Variants in KCNQ1 observed in about 807,000 individuals in gnomAD.
The protein encoded by KCNQ1 is potassium voltage-gated channel subfamily KQT member 1.
KCNQ1 carries 49 observed loss-of-function variants against 72.4 expected under a neutral mutation model. The ratio of observed to expected loss-of-function variants is 0.68; its 90% confidence interval spans 0.54 to 0.86. The LOEUF (loss-of-function observed/expected upper bound fraction) is 0.86, where lower values mean the gene tolerates loss of function less well. Ranked by LOEUF, KCNQ1 falls within the 40% of genes least tolerant of loss-of-function variation. The pLI is 0.00. For synonymous variants in KCNQ1, 450 were observed against 412.6 expected (o/e 1.09, Z -1.10); for missense variants, 790 against 945.1 (o/e 0.84, Z 2.15).
rs931763942 is a variant in KCNQ1 at position 2,611,529 on chromosome 11, G to A, written c.1393+22675G>A. ...ACCCAGCCAATTTTGTCTGATTTTA[G>A]TACAGTCACTCTAGCTTTCTTATTA... is the stretch of plus-strand genomic sequence containing the variant. On this transcript the variant is annotated intron_variant, in intron 10 of 15. Coordinates refer to ENST00000155840, the MANE Select transcript of KCNQ1 (RefSeq NM_000218.3). The surrounding 1 kb of genome is among the most constrained non-coding windows in gnomAD (Gnocchi z 5.3). 1.3e-5 allele frequency: 5 copies of A among 398,312 alleles called. No individual in the cohort carries two copies. The highest frequency in any genetic ancestry group is 2.2e-5 in the Non-Finnish European group (5 of 226,062). 24.7% of individuals were successfully genotyped at this position (398,312 alleles called of 1,614,324 possible).
rs1461173329 is a variant in KCNQ1 at position 2,526,950 on chromosome 11, G to T, written c.387-978G>T. 1.3e-5 allele frequency among the ~76,000 whole-genome samples: 2 copies of T among 152,156 alleles called. No individual in the cohort carries two copies. The highest frequency in any genetic ancestry group is 4.8e-5 in the African/African-American group (2 of 41,434). On this transcript the variant is annotated intron_variant, in intron 1 of 15. Transcript: ENST00000155840. The surrounding 1 kb of genome is among the most constrained non-coding windows in gnomAD (Gnocchi z 6.1). ...CCTGGGGGCCATGTGGCCATCTCCT[G>T]GCTCTCCGGTCGCTGAGGATCCACG...
intron 11 of KCNQ1, among the ~76,000 whole-genome samples, chr11:2,700,935 C>A (rs906173700): frequency 6.6e-6 from 1 of 152,274 alleles, no homozygotes; most frequent in African/African-American, 2.4e-5. Flanking sequence ...GAAGTTCACA[C>A]CCTGAGGCTT....
rs1217623182 is a variant in KCNQ1, at chr11:2,690,363, A to T, written c.1514+28282A>T. On this transcript the variant is annotated intron_variant, in intron 11 of 15. Transcript: ENST00000155840. The surrounding 1 kb of genome is among the most constrained non-coding windows in gnomAD (Gnocchi z 5.1). ...CTGCCCTGCAGCTGCTGTTTCCACT[A>T]CTTGGCATGGAACATGTGCCAGACC... 5.0e-6 allele frequency: 2 copies of T among 398,514 alleles called. No individual in the cohort carries two copies. Among genetic ancestry groups the T allele is most frequent in the Non-Finnish European group, 8.8e-6 (2 of 226,098 alleles). 24.7% of individuals were successfully genotyped at this position (398,514 alleles called of 1,614,324 possible).
chr11:2,723,897 C>T lies in KCNQ1; in HGVS notation c.1515-44947C>T, dbSNP rs1047069223. On this transcript the variant is annotated intron_variant, in intron 11 of 15. Coordinates refer to ENST00000155840, the MANE Select transcript of KCNQ1 (RefSeq NM_000218.3). This position sits in a 1 kb window ranked among gnomAD's most constrained non-coding sequence, Gnocchi z 4.2. ...GGGACCTCGGGACGAGGAAGTCACA[C>T]GTTGGGGGATGTGCCGCAGGGATGG... Among the ~76,000 whole-genome samples, 10 of 152,186 alleles carry T rather than the reference C, an allele frequency of 6.6e-5. No individual in the cohort carries two copies. The highest frequency in any genetic ancestry group is 4.1e-4 in the South Asian group (2 of 4,832).
At chr11:2,521,864 G>C (rs112529) in intron 1 of KCNQ1, among the ~76,000 whole-genome samples, 2 of 152,326 alleles carry the variant, frequency 1.3e-5, no homozygotes, top group Non-Finnish European at 2.9e-5. Context: ...GCACCACTCA[G>C]GGGCCCTAGT....
chr11:2,739,417 C>T (rs1157652746), intron 11 of KCNQ1, among the ~76,000 whole-genome samples: 1 of 152,264 alleles, frequency 6.6e-6, no homozygotes, highest in African/African-American at 2.4e-5. Flanking sequence ...TTGGATGTCA[C>T]AGCCCCATCA....
Position 2,563,154 on chromosome 11 carries a change from A to G in KCNQ1, c.478-7474A>G, listed in dbSNP as rs912136033. On this transcript the variant is annotated intron_variant, in intron 2 of 15. Coordinates refer to ENST00000155840, the MANE Select transcript of KCNQ1 (RefSeq NM_000218.3). This position sits in a 1 kb window ranked among gnomAD's most constrained non-coding sequence, Gnocchi z 7.4. ...CTAGGGTCCTAAATTATGTGGTTCC[A>G]GCAGCATGGAACTTCAAAACACATT... 6.6e-6 allele frequency among the ~76,000 whole-genome samples: 1 copy of G among 152,214 alleles called. No individual in the cohort carries two copies. The highest frequency in any genetic ancestry group is 1.5e-5 in the Non-Finnish European group (1 of 68,038).
rs948286563 is a variant in KCNQ1 at position 2,711,705 on chromosome 11, G to T, written c.1514+49624G>T. Among the ~76,000 whole-genome samples, 4 of 152,198 alleles carry T rather than the reference G, an allele frequency of 2.6e-5. No homozygotes were observed. The highest frequency in any genetic ancestry group is 4.4e-5 in the Non-Finnish European group (3 of 68,034). On this transcript the variant is annotated intron_variant, in intron 11 of 15. Coordinates refer to ENST00000155840, the MANE Select transcript of KCNQ1 (RefSeq NM_000218.3). The surrounding 1 kb of genome is among the most constrained non-coding windows in gnomAD (Gnocchi z 5.4). ...GTAAACTGTGCTTAAACTAAGTGAG[G>T]TATCTTAAGGCTTTACCACCAGGGA...
At chr11:2,528,803 G>T (rs1244934044) in intron 2 of KCNQ1, among the ~76,000 whole-genome samples, 1 of 152,262 alleles carries the variant, frequency 6.6e-6, no homozygotes, top group East Asian at 1.9e-4. Context: ...GATCTGGGCT[G>T]GTTTCATGCT....
At chr11:2,792,889 C>G (rs1847057158) in intron 15 of KCNQ1, among the ~76,000 whole-genome samples, 1 of 151,064 alleles carries the variant, frequency 6.6e-6, no homozygotes, top group Non-Finnish European at 1.5e-5. Flanking sequence ...CTGCCCCTCG[C>G]CCCCTCCCTG....
At chr11:2,540,982 C>T (rs373049625) in intron 2 of KCNQ1, among the ~76,000 whole-genome samples, 18 of 152,354 alleles carry the variant, frequency 1.2e-4, no homozygotes, top group East Asian at 5.8e-4. Flanking sequence ...CAGGCACACA[C>T]GCACAGACAT....
intron 15 of KCNQ1, among the ~76,000 whole-genome samples, chr11:2,833,427 T>C (rs1847994465): frequency 1.3e-5 from 2 of 152,034 alleles, no homozygotes; most frequent in South Asian, 2.1e-4. Flanking sequence ...GAAGACTGCA[T>C]AGATGTGAGG....
chr11:2,453,440 C>T lies in KCNQ1; in HGVS notation c.386+7956C>T, dbSNP rs1329346996. On this transcript the variant is annotated intron_variant, in intron 1 of 15. Coordinates refer to ENST00000155840, the MANE Select transcript of KCNQ1 (RefSeq NM_000218.3). ...GGCTGGGGGAAGATGTGATGTTTCA[C>T]GAAGGGTTAATCTGTTTACTACAGA... 3.3e-5 allele frequency among the ~76,000 whole-genome samples: 5 copies of T among 152,106 alleles called. No homozygotes were observed. In the South Asian group the frequency reaches 8.3e-4, roughly 25 times the overall value.
rs1439948002 is a variant in KCNQ1, at chr11:2,664,497, A to G, written c.1514+2416A>G. 2.5e-6 allele frequency: 1 copy of G among 398,622 alleles called. No homozygotes were observed. The allele number at this position is 398,622 out of a possible 1,614,324, so 24.7% of individuals were successfully genotyped here. A position where few individuals can be genotyped will look rare whatever the true frequency, so the allele number is the denominator to read the frequency against. On this transcript the variant is annotated intron_variant, in intron 11 of 15. Coordinates refer to ENST00000155840, the MANE Select transcript of KCNQ1 (RefSeq NM_000218.3). This position sits in a 1 kb window ranked among gnomAD's most constrained non-coding sequence, Gnocchi z 5.1. ...ACTCCATCTGGGGGAGAAGGCTGGC[A>G]GCAGTGGGCACCCTGTTTCCTCAGG...
At chr11:2,749,686 G>A (rs535579030) in intron 11 of KCNQ1, among the ~76,000 whole-genome samples, 230 of 146,084 alleles carry the variant, frequency 1.6e-3, no homozygotes, top group Non-Finnish European at 2.7e-3. Context: ...GGTGGCGGGC[G>A]CCTGTGGTCC....
At chr11:2,660,088 T>C (rs1272795211) in intron 10 of KCNQ1, 4 of 398,306 alleles carry the variant, frequency 1.0e-5, no homozygotes, top group African/African-American at 2.1e-5. Context: ...GAGTTAAACT[T>C]TTGGTTTCGT....
At chr11:2,706,615 C>A (rs1457504519) in intron 11 of KCNQ1, among the ~76,000 whole-genome samples, 1 of 152,266 alleles carries the variant, frequency 6.6e-6, no homozygotes, top group African/African-American at 2.4e-5. Flanking sequence ...CCCACTCTCA[C>A]CAGGCTTAGT....
intron 6 of KCNQ1, among the ~76,000 whole-genome samples, chr11:2,576,851 A>T (rs1400412412): frequency 6.6e-6 from 1 of 152,114 alleles, no homozygotes; most frequent in Non-Finnish European, 1.5e-5. Flanking sequence ...GGGCGGCAGG[A>T]CCTGGCCACC....
At position 2,451,038 on chromosome 11, in the gene KCNQ1, G is replaced by T. The variant is rs1257714761; in HGVS notation, c.386+5554G>T. On this transcript the variant is annotated intron_variant, in intron 1 of 15. Coordinates refer to ENST00000155840, the MANE Select transcript of KCNQ1 (RefSeq NM_000218.3). The surrounding 1 kb of genome is among the most constrained non-coding windows in gnomAD (Gnocchi z 6.4). ...TCTAATGTTTGGTTCAGGGTGTGGG[G>T]TCCATCTGAGCAGGCATGGTGCTTC... 6.6e-6 allele frequency among the ~76,000 whole-genome samples: 1 copy of T among 152,136 alleles called. No individual in the cohort carries two copies. Among genetic ancestry groups the T allele is most frequent in the Non-Finnish European group, 1.5e-5 (1 of 68,016 alleles).
Sources: allele counts gnomAD v4.1 joint callset (sites outside exome capture counted in the v4.1 genomes callset), GRCh38; gene constraint gnomAD v4.1.1; non-coding constraint Gnocchi (gnomAD v3.1); transcripts MANE v1.5; gene names NCBI Gene and HGNC (gene_info 2026-07-23, HGNC 2026-07-21).